The following IQCM variants were observed in gnomAD, a reference collection of about 807,000 sequenced individuals.
IQCM encodes IQ motif containing M.
IQCM carries 45 observed loss-of-function variants against 57.6 expected under a neutral mutation model. The ratio of observed to expected loss-of-function variants is 0.78; its 90% confidence interval spans 0.62 to 1.00. The LOEUF is 1.00. Ranked by LOEUF, IQCM falls within the 50% of genes least tolerant of loss-of-function variation. IQCM has a pLI of 0.00. For missense variants in IQCM, 468 were observed against 511.6 expected (o/e 0.91, Z 0.82); for synonymous variants, 148 against 158.9 (o/e 0.93, Z 0.51).
chr4:149,748,199 T>TCC (rs769539678), intron 2 of IQCM, among the ~76,000 whole-genome samples: 45 of 152,146 alleles, frequency 3.0e-4, no homozygotes, highest in Non-Finnish European at 5.4e-4. Flanking sequence ...CCCGACTACC[T>TCC]CCCACCCACC....
At chr4:149,441,126 A>G (rs936930139) in intron 12 of IQCM, among the ~76,000 whole-genome samples, 2 of 152,196 alleles carry the variant, frequency 1.3e-5, no homozygotes, top group Non-Finnish European at 2.9e-5. Flanking sequence ...AACCAAAAAT[A>G]TAAATATAAC....
chr4:149,360,346 A>G (rs564682735), intron 13 of IQCM, among the ~76,000 whole-genome samples: 1 of 152,360 alleles, frequency 6.6e-6, no homozygotes, highest in East Asian at 1.9e-4. Context: ...AGAACAATTT[A>G]AAGTATCCAA....
At chr4:149,638,010 A>G (rs1398009600) in intron 7 of IQCM, among the ~76,000 whole-genome samples, 1 of 152,258 alleles carries the variant, frequency 6.6e-6, no homozygotes, top group African/African-American at 2.4e-5. Flanking sequence ...TAGGCAAGCT[A>G]CAGACTGTGA....
intron 8 of IQCM, among the ~76,000 whole-genome samples, chr4:149,596,884 T>C (rs1388394424): frequency 2.6e-5 from 4 of 152,104 alleles, no homozygotes; most frequent in African/African-American, 9.7e-5. Flanking sequence ...TAACCCACAC[T>C]TCTAAGAATT....
intron 5 of IQCM, among the ~76,000 whole-genome samples, chr4:149,704,707 T>C (rs1481994192): frequency 2.0e-5 from 3 of 151,908 alleles, no homozygotes; most frequent in African/African-American, 7.2e-5. Context: ...ATGTGTCAAC[T>C]TGATTGAGCT....
At chr4:149,445,429 A>C (rs1446514520) in intron 12 of IQCM, among the ~76,000 whole-genome samples, 1 of 151,858 alleles carries the variant, frequency 6.6e-6, no homozygotes, top group Admixed American at 6.6e-5. Flanking sequence ...CACACTTGAT[A>C]CTCCAGGTAT....
chr4:149,521,939 A>AG (rs540968771), intron 12 of IQCM, among the ~76,000 whole-genome samples: 22 of 152,318 alleles, frequency 1.4e-4, no homozygotes, highest in African/African-American at 5.3e-4. Flanking sequence ...CTGAATGCTG[A>AG]GGGGAGGTTC....
intron 13 of IQCM, among the ~76,000 whole-genome samples, chr4:149,396,541 T>A (rs1732241462): frequency 6.6e-6 from 1 of 151,994 alleles, no homozygotes; most frequent in Admixed American, 6.6e-5. Context: ...ATAGAGTAGG[T>A]CATTATTGTT....
At chr4:149,600,500 T>C (rs1229661090) in intron 8 of IQCM, among the ~76,000 whole-genome samples, 1 of 151,988 alleles carries the variant, frequency 6.6e-6, no homozygotes, top group Admixed American at 6.6e-5. Flanking sequence ...AATGATGGAG[T>C]TCACATTAGA....
intron 12 of IQCM, among the ~76,000 whole-genome samples, chr4:149,505,219 A>G (rs1743670061): frequency 6.6e-6 from 1 of 152,090 alleles, no homozygotes; most frequent in African/African-American, 2.4e-5. Flanking sequence ...TGAATATATC[A>G]CCTCAAACAT....
intron 8 of IQCM, among the ~76,000 whole-genome samples, chr4:149,614,724 C>T (rs1030713671): frequency 6.6e-6 from 1 of 152,054 alleles, no homozygotes; most frequent in African/African-American, 2.4e-5. Flanking sequence ...AGCTGGTAAG[C>T]TAAAAAGAAA....
intron 12 of IQCM, among the ~76,000 whole-genome samples, chr4:149,515,653 G>A (rs2149817361): frequency 6.6e-6 from 1 of 152,336 alleles, no homozygotes; most frequent in East Asian, 1.9e-4. Context: ...CAGCAGTGAA[G>A]GGAAATCTTC....
rs536700998 is a variant in IQCM at position 149,368,742 on chromosome 4, T to TTA, written c.1391-16678_1391-16677dup. Among the ~76,000 whole-genome samples the TTA allele has an allele frequency of 1.3e-3, 157 of 118,924 alleles. 4 individuals carry two copies. The highest frequency in any genetic ancestry group is 4.5e-3 in the African/African-American group (150 of 33,136). The allele number at this position is 118,924 out of a possible 152,430, so 78.0% of individuals were successfully genotyped here. Reference sequence around the variant, plus strand: ...TTAGAGTCAATGTGAAAGGCACAAATTATATATATACATGTATATATATAT... The same window carrying TTA: ...TTAGAGTCAATGTGAAAGGCACAAATTATATATATATACATGTATATATATAT... On this transcript the variant is annotated intron_variant, in intron 13 of 13. Transcript: ENST00000636793.
chr4:149,809,993 C>CCT (rs992785339), intron 2 of IQCM, among the ~76,000 whole-genome samples: 6 of 151,142 alleles, frequency 4.0e-5, no homozygotes, highest in Admixed American at 6.6e-5. Flanking sequence ...AGGTTTCTTT[C>CCT]CTCTCTCTCT....
chr4:149,715,486 T>C (rs572164869), intron 5 of IQCM, among the ~76,000 whole-genome samples: 1 of 152,158 alleles, frequency 6.6e-6, no homozygotes, highest in Non-Finnish European at 1.5e-5. Context: ...GTCACAGTCC[T>C]GGCTTGGGGA....
chr4:149,450,876 A>T (rs1737044909), intron 12 of IQCM, among the ~76,000 whole-genome samples: 1 of 151,626 alleles, frequency 6.6e-6, no homozygotes, highest in Non-Finnish European at 1.5e-5. Flanking sequence ...GCCCCCCACC[A>T]AAAAGGAAAT....
intron 2 of IQCM, among the ~76,000 whole-genome samples, chr4:149,793,101 A>G (rs1934312222): frequency 6.6e-6 from 1 of 152,220 alleles, no homozygotes; most frequent in South Asian, 2.1e-4. Flanking sequence ...ATTAAAAAGT[A>G]TTAAGAGAGG....
chr4:149,616,646 ATTATTTAAAATGAAAAAAGTC>A (rs1296759003), intron 8 of IQCM, among the ~76,000 whole-genome samples: 1 of 152,144 alleles, frequency 6.6e-6, no homozygotes, highest in Non-Finnish European at 1.5e-5. Context: ...AATTATTTTC[ATTATTTAAAATGAAAAAAGTC>A]TACTTAGAAC....
At chr4:149,367,288 A>G (rs1428111012) in intron 13 of IQCM, among the ~76,000 whole-genome samples, 9 of 152,038 alleles carry the variant, frequency 5.9e-5, no homozygotes, top group Admixed American at 5.9e-4. Context: ...CCTGTATACA[A>G]ACAAAACACC....
Sources: allele counts gnomAD v4.1 joint callset (sites outside exome capture counted in the v4.1 genomes callset), GRCh38; gene constraint gnomAD v4.1.1; transcripts MANE v1.5; gene names NCBI Gene and HGNC (gene_info 2026-07-23, HGNC 2026-07-21).